STOX2: variants seen among roughly 807,000 people sequenced by gnomAD.
STOX2 encodes the protein storkhead box 2, also known as storkhead-box protein 2.
STOX2 carries 28 observed loss-of-function variants against 60.9 expected under a neutral mutation model. That is an observed-to-expected ratio of 0.46 (90% CI 0.34 to 0.63). STOX2 has a LOEUF of 0.63. Ranked by LOEUF, STOX2 falls within the 30% of genes least tolerant of loss-of-function variation. The pLI is 0.01. For synonymous variants in STOX2, 472 were observed against 463.9 expected (o/e 1.02, Z -0.22); for missense variants, 1,024 against 1,187.7 (o/e 0.86, Z 2.03).
At chr4:183,910,283 A>G (rs1741740752) in intron 1 of STOX2, among the ~76,000 whole-genome samples, 1 of 152,230 alleles carries the variant, frequency 6.6e-6, no homozygotes, top group Non-Finnish European at 1.5e-5. Flanking sequence ...TACGATATTA[A>G]TGAACTAGAG....
intron 1 of STOX2, among the ~76,000 whole-genome samples, chr4:183,939,657 T>C (rs528470042): frequency 2.2e-4 from 34 of 152,122 alleles, no homozygotes; most frequent in African/African-American, 6.7e-4. Context: ...CTCAAGTGGT[T>C]GCTGGAGAGA....
At chr4:183,857,350 C>T (rs1289095094) in intron 1 of STOX2, among the ~76,000 whole-genome samples, 4 of 151,916 alleles carry the variant, frequency 2.6e-5, no homozygotes, top group Admixed American at 6.6e-5. Context: ...CTGGTTGCCT[C>T]GTAGGACTGG....
At chr4:183,800,493 C>T (rs1738736976) in intron 1 of STOX2, among the ~76,000 whole-genome samples, 1 of 152,108 alleles carries the variant, frequency 6.6e-6, no homozygotes, top group Non-Finnish European at 1.5e-5. Context: ...TTCAATTGAC[C>T]CCCATCTGTA....
At chr4:183,966,525 C>T (rs61659576) in intron 1 of STOX2, among the ~76,000 whole-genome samples, 12,194 of 152,250 alleles carry the variant, frequency 0.08, 844 homozygotes, top group African/African-American at 0.19. Context: ...GTCACCCTCC[C>T]GGCGGCGCCT....
At chr4:183,860,667 G>A (rs1316554404) in intron 1 of STOX2, among the ~76,000 whole-genome samples, 1 of 152,172 alleles carries the variant, frequency 6.6e-6, no homozygotes, top group Non-Finnish European at 1.5e-5. Flanking sequence ...AGAGGGAGAT[G>A]CTATTCAGAG....
intron 1 of STOX2, among the ~76,000 whole-genome samples, chr4:183,820,265 A>T (rs1169672592): frequency 6.6e-6 from 1 of 152,140 alleles, no homozygotes; most frequent in Non-Finnish European, 1.5e-5. Flanking sequence ...TTCTGTGTTC[A>T]TGAGGCTCAT....
chr4:183,876,813 G>A (rs1247328431), intron 1 of STOX2, among the ~76,000 whole-genome samples: 2 of 152,210 alleles, frequency 1.3e-5, no homozygotes, highest in African/African-American at 4.8e-5. Flanking sequence ...TGGGCCAAGC[G>A]GGCATTCTAT....
chr4:183,857,992 G>C (rs1470109985), intron 1 of STOX2, among the ~76,000 whole-genome samples: 1 of 152,174 alleles, frequency 6.6e-6, no homozygotes. Context: ...TCCAGGCATT[G>C]GAGTAGAAGG....
intron 1 of STOX2, among the ~76,000 whole-genome samples, chr4:183,808,234 C>T (rs1738952999): frequency 6.6e-6 from 1 of 152,216 alleles, no homozygotes; most frequent in Admixed American, 6.5e-5. Flanking sequence ...GTTAGGGTTA[C>T]ATCTCTCCTG....
rs2111244600 is a variant in STOX2, at chr4:184,009,215, A to T, written c.377A>T (p.Glu126Val). Reference sequence around the variant, plus strand: ...CACACGCTGAACACGCTGGTACGGGAGAGGAAGATCTACCCAACTCCAGAT... The same window carrying T: ...CACACGCTGAACACGCTGGTACGGGTGAGGAAGATCTACCCAACTCCAGAT... ...LRHTLNTLVR[E>V]RKIYPTPDGY... The change falls in exon 3 of 4, where the codon GAG becomes GTG. Residue 126 changes from glutamate to valine, a missense_variant. Physicochemically the swap from Glu to Val is moderately radical, Grantham distance 121. Transcript: ENST00000308497. This position sits in a 1 kb window ranked among gnomAD's most constrained non-coding sequence, Gnocchi z 4.0. 7.0e-7 allele frequency: 1 copy of T among 1,423,794 alleles called. No homozygotes were observed. Among genetic ancestry groups the T allele is most frequent in the Non-Finnish European group, 9.4e-7 (1 of 1,060,666 alleles). The allele number at this position is 1,423,794 out of a possible 1,614,324, so 88.2% of individuals were successfully genotyped here.
intron 1 of STOX2, among the ~76,000 whole-genome samples, chr4:183,919,407 T>C: frequency 6.6e-6 from 1 of 152,148 alleles, no homozygotes; most frequent in East Asian, 1.9e-4. Flanking sequence ...GTGGGGTTTA[T>C]GGTTCCGCAG....
At chr4:183,998,456 G>A (rs544835722) in intron 1 of STOX2, among the ~76,000 whole-genome samples, 12 of 152,322 alleles carry the variant, frequency 7.9e-5, no homozygotes, top group Admixed American at 3.9e-4. Context: ...CCTGCGGTAC[G>A]GAGGGCAGAG....
At position 183,802,723 on chromosome 4, in the gene STOX2, A is replaced by C. The variant is rs940536590; in HGVS notation, c.364+4668A>C. 1.2e-3 allele frequency among the ~76,000 whole-genome samples: 188 copies of C among 151,914 alleles called. 3 individuals are homozygous for C. Among genetic ancestry groups the C allele is most frequent in the Non-Finnish European group, 3.2e-4 (22 of 68,014 alleles). The stretch of plus-strand genomic sequence containing the variant: ...CGGGTTCACGCCATTCTCCTGCCTC[A>C]GCCTCCCGAGTAGCTGGGACTACAA... On this transcript the variant is annotated intron_variant, in intron 1 of 2. Transcript: ENST00000513034.
chr4:183,805,320 C>T (rs563914825), intron 1 of STOX2, among the ~76,000 whole-genome samples: 76 of 152,278 alleles, frequency 5.0e-4, no homozygotes, highest in African/African-American at 1.7e-3. Context: ...TAGCTGTAGA[C>T]ATGATATGAT....
intron 1 of STOX2, among the ~76,000 whole-genome samples, chr4:183,818,952 G>T (rs1364267798): frequency 6.6e-6 from 1 of 152,112 alleles, no homozygotes; most frequent in Non-Finnish European, 1.5e-5. Context: ...AGACTGGGCA[G>T]CGGGGCAGAG....
chr4:183,945,338 G>A (rs1742858150), intron 1 of STOX2, among the ~76,000 whole-genome samples: 1 of 152,122 alleles, frequency 6.6e-6, no homozygotes, highest in Non-Finnish European at 1.5e-5. Flanking sequence ...GTACACAGCG[G>A]AGAGAGAGAG....
intron 1 of STOX2, among the ~76,000 whole-genome samples, chr4:183,894,945 C>G (rs1741307593): frequency 6.6e-6 from 1 of 152,104 alleles, no homozygotes; most frequent in Non-Finnish European, 1.5e-5. Flanking sequence ...AATAAGACAT[C>G]CTAAAAATTG....
At chr4:183,840,898 C>T (rs1739842409) in intron 1 of STOX2, among the ~76,000 whole-genome samples, 1 of 152,152 alleles carries the variant, frequency 6.6e-6, no homozygotes, top group Non-Finnish European at 1.5e-5. Context: ...GACAGGGTCT[C>T]ACTCTGTTGC....
chr4:183,960,452 ATAACT>A (rs776417439), intron 1 of STOX2, among the ~76,000 whole-genome samples: 16 of 152,196 alleles, frequency 1.1e-4, no homozygotes, highest in East Asian at 1.9e-4. Context: ...TATATTATAG[ATAACT>A]TAACACGTGT....
Sources: allele counts gnomAD v4.1 joint callset (sites outside exome capture counted in the v4.1 genomes callset), GRCh38; gene constraint gnomAD v4.1.1; non-coding constraint Gnocchi (gnomAD v3.1); transcripts MANE v1.5; gene names NCBI Gene and HGNC (gene_info 2026-07-23, HGNC 2026-07-21).